NEDD4: variants seen among roughly 807,000 people sequenced by gnomAD.
NEDD4 encodes the protein E3 ubiquitin-protein ligase NEDD4.
NEDD4 carries 99 observed loss-of-function variants against 144.9 expected under a neutral mutation model. That is an observed-to-expected ratio of 0.68 (90% CI 0.58 to 0.81). The LOEUF (loss-of-function observed/expected upper bound fraction) is 0.81. NEDD4 is among the 30% of genes least tolerant of loss of function. The pLI is 0.00. For missense variants in NEDD4, 985 were observed against 1,065.9 expected, an observed-to-expected ratio of 0.92 and a Z score of 1.06; for synonymous variants, 318 against 350.6, an observed-to-expected ratio of 0.91 and a Z score of 1.04.
At chr15:55,842,838 T>C (rs2033576291) in intron 18 of NEDD4, among the ~76,000 whole-genome samples, 1 of 152,206 alleles carries the variant, frequency 6.6e-6, no homozygotes, top group Admixed American at 6.5e-5. Context: ...TACCTCTACT[T>C]TCCTCCCTGG....
intron 2 of NEDD4, among the ~76,000 whole-genome samples, chr15:55,960,004 C>T (rs2037399945): frequency 6.6e-6 from 1 of 152,156 alleles, no homozygotes. Flanking sequence ...TTCCAGTTCT[C>T]TACCTCCTCT....
chr15:55,940,473 A>C (rs1343872778), intron 4 of NEDD4, among the ~76,000 whole-genome samples: 1 of 118,176 alleles, frequency 8.5e-6, no homozygotes, highest in African/African-American at 2.6e-5. Flanking sequence ...ATTCCAAAGT[A>C]GTCCTTCCTC....
intron 1 of NEDD4, among the ~76,000 whole-genome samples, chr15:55,971,730 A>G (rs12591159): frequency 0.15 from 22,500 of 152,036 alleles, 1,777 homozygotes; most frequent in East Asian, 0.32. Flanking sequence ...TAGGCCTAGA[A>G]AAAGATATCA....
At chr15:55,971,011 T>A (rs2037599405) in intron 1 of NEDD4, among the ~76,000 whole-genome samples, 1 of 152,158 alleles carries the variant, frequency 6.6e-6, no homozygotes, top group South Asian at 2.1e-4. Flanking sequence ...AAATAGCTGT[T>A]TTGAGGAAGC....
Position 55,872,446 on chromosome 15 carries a change from T to C in NEDD4, c.373A>G (p.Thr125Ala), listed in dbSNP as rs1439073297. The C allele has an allele frequency of 6.8e-7, 1 of 1,471,248 alleles. No homozygotes were observed. Among genetic ancestry groups the C allele is most frequent in the South Asian group, 1.4e-5 (1 of 73,822 alleles). The allele number at this position is 1,471,248 out of a possible 1,614,324, so 91.1% of individuals were successfully genotyped here. ...GGATGAAGAACAAAATCCTTAAATG[T>C]ATATGGTCTCTCCAATCTTGGATTT... ...TENPRLERPY[T>A]FKDFVLHPRS... Residue 125 changes from threonine to alanine, a missense_variant, in exon 7 of 29, where the codon ACA (threonine) becomes GCA (alanine). Thr to Ala is a moderately conservative substitution (Grantham distance 58, BLOSUM62 0). Transcript: ENST00000435532.
chr15:55,921,681 G>A (rs1413964993), intron 5 of NEDD4, among the ~76,000 whole-genome samples: 1 of 152,086 alleles, frequency 6.6e-6, no homozygotes. Flanking sequence ...ATGGTTAAAA[G>A]TTTTAAAAAT....
intron 5 of NEDD4, among the ~76,000 whole-genome samples, chr15:55,899,391 A>C (rs1401310335): frequency 6.6e-6 from 1 of 152,234 alleles, no homozygotes; most frequent in East Asian, 1.9e-4. Flanking sequence ...GCTGATCTAT[A>C]AACAGTTTTT....
chr15:55,854,679 T>C (rs2034123708), intron 12 of NEDD4, among the ~76,000 whole-genome samples: 1 of 152,148 alleles, frequency 6.6e-6, no homozygotes, highest in South Asian at 2.1e-4. Flanking sequence ...ATTGTGGTGA[T>C]GTCTCCATAA....
At chr15:55,979,202 T>A (rs2037755975) in intron 1 of NEDD4, among the ~76,000 whole-genome samples, 1 of 151,604 alleles carries the variant, frequency 6.6e-6, no homozygotes, top group Admixed American at 6.6e-5. Context: ...ATTATTATTA[T>A]AACAGAATAA....
In NEDD4 at chr15:55,874,675, G is replaced by T. The variant is rs2034926101; in HGVS notation, c.292-667C>A. 6.6e-5 allele frequency among the ~76,000 whole-genome samples: 10 copies of T among 152,224 alleles called. No individual in the cohort carries two copies. In the South Asian group the frequency reaches 2.1e-3, roughly 32 times the overall value. ...ATTTGGAGTTCAGCTATGTTAACTT[G>T]CTAGAACAAAAATCAACACTGGGCA... is the stretch of plus-strand genomic sequence containing the variant. On this transcript the variant is annotated intron_variant, in intron 5 of 28. Transcript: ENST00000435532.
chr15:55,909,958 C>A (rs1016978852), intron 5 of NEDD4, among the ~76,000 whole-genome samples: 2 of 152,244 alleles, frequency 1.3e-5, no homozygotes, highest in Admixed American at 6.5e-5. Context: ...TAAGCGATTT[C>A]AAGTTTTCAC....
intron 4 of NEDD4, among the ~76,000 whole-genome samples, chr15:55,944,716 T>C (rs916902095): frequency 5.3e-5 from 8 of 152,178 alleles, no homozygotes; most frequent in African/African-American, 1.9e-4. Flanking sequence ...GTAGCCTAAC[T>C]GGGAGACACT....
intron 17 of NEDD4, among the ~76,000 whole-genome samples, chr15:55,847,730 G>A (rs1224359196): frequency 4.1e-5 from 6 of 147,428 alleles, no homozygotes; most frequent in African/African-American, 1.5e-4. Flanking sequence ...AGGCTGGAGT[G>A]TGGTGGTACA....
At chr15:55,852,685 CTAGAAATATATATATATA>C in intron 12 of NEDD4, 142 bp from the exon 13 acceptor site, 1 of 188,508 alleles carries the variant, frequency 5.3e-6, no homozygotes, top group South Asian at 8.8e-5. Context: ...TTTGCCTTTT[CTAGAAATATATATATATA>C]TATATATATA....
At chr15:55,974,891 C>CTTTTCTTTTTTTTTTTTT in intron 1 of NEDD4, among the ~76,000 whole-genome samples, 1 of 75,714 alleles carries the variant, frequency 1.3e-5, no homozygotes, top group South Asian at 5.6e-4. Flanking sequence ...CTTTTCCTTT[C>CTTTTCTTTTTTTTTTTTT]TTTTTTTTTT....
chr15:55,980,182 T>C (rs2037775229), intron 1 of NEDD4, among the ~76,000 whole-genome samples: 1 of 152,032 alleles, frequency 6.6e-6, no homozygotes, highest in Non-Finnish European at 1.5e-5. Flanking sequence ...TCTGCCTGCC[T>C]TTGGCCTCCC....
intron 4 of NEDD4, among the ~76,000 whole-genome samples, chr15:55,948,857 G>A (rs1334302243): frequency 6.6e-6 from 1 of 152,200 alleles, no homozygotes; most frequent in Non-Finnish European, 1.5e-5. Flanking sequence ...AACCGTAGAA[G>A]AAAACCCAGG....
intron 1 of NEDD4, 40 bp from the exon 2 acceptor site, chr15:55,966,586 T>C (rs369312559): frequency 5.1e-5 from 59 of 1,148,026 alleles, no homozygotes; most frequent in Admixed American, 2.8e-5. Flanking sequence ...CATGTACTTA[T>C]AAGTTAACTA....
chr15:55,915,667 C>T, intron 5 of NEDD4: 1 of 1,613,882 alleles, frequency 6.2e-7, no homozygotes, highest in Non-Finnish European at 8.5e-7. Flanking sequence ...GTTTCACAGT[C>T]TAATGTAGCT....
Sources: allele counts gnomAD v4.1 joint callset (sites outside exome capture counted in the v4.1 genomes callset), GRCh38; gene constraint gnomAD v4.1.1; transcripts MANE v1.5; gene names NCBI Gene and HGNC (gene_info 2026-07-23, HGNC 2026-07-21).